The following ADGRL2 variants were observed in gnomAD, a reference collection of about 807,000 sequenced individuals.
ADGRL2 encodes the protein adhesion G protein-coupled receptor L2.
In ADGRL2, 44 loss-of-function variants were observed where a neutral mutation model predicts 157.4. The observed-to-expected ratio is 0.28, with a 90% CI of 0.22 to 0.36. The LOEUF (loss-of-function observed/expected upper bound fraction) is 0.36. Among genes scored for constraint, ADGRL2 ranks in the 10% least tolerant of loss-of-function variants. The pLI is 1.00. For synonymous variants in ADGRL2, 585 were observed against 624.7 expected, an observed-to-expected ratio of 0.94 and a Z score of 0.95; for missense variants, 1,510 against 1,768.9, an observed-to-expected ratio of 0.85 and a Z score of 2.63.
chr1:81,933,371 T>C (rs1226426273), intron 3 of ADGRL2, among the ~76,000 whole-genome samples: 1 of 152,224 alleles, frequency 6.6e-6, no homozygotes, highest in Non-Finnish European at 1.5e-5. Flanking sequence ...GTTTGATTGT[T>C]AAAACAATGA....
intron 2 of ADGRL2, among the ~76,000 whole-genome samples, chr1:81,852,970 A>G (rs1328846638): frequency 6.6e-6 from 1 of 152,168 alleles, no homozygotes; most frequent in East Asian, 1.9e-4. Context: ...TTTTTGGTAT[A>G]GTAGAAAAAC....
chr1:81,751,714 G>C (rs960961782), intron 1 of ADGRL2, among the ~76,000 whole-genome samples: 1 of 152,028 alleles, frequency 6.6e-6, no homozygotes, highest in Non-Finnish European at 1.5e-5. Flanking sequence ...GATTTCAGTG[G>C]TTGTATTTCA....
chr1:81,391,431 G>A (rs1020240898), intron 1 of ADGRL2, among the ~76,000 whole-genome samples: 1 of 152,308 alleles, frequency 6.6e-6, no homozygotes, highest in Non-Finnish European at 1.5e-5. Context: ...TGCTTCTCTA[G>A]GCATTTGCAG....
At chr1:81,571,063 G>A (rs1282863462) in intron 2 of ADGRL2, among the ~76,000 whole-genome samples, 2 of 152,006 alleles carry the variant, frequency 1.3e-5, no homozygotes, top group Admixed American at 6.6e-5. Flanking sequence ...AGCAGCCCAC[G>A]TCTGTAATCC....
intron 2 of ADGRL2, among the ~76,000 whole-genome samples, chr1:81,556,300 C>T (rs1399961845): frequency 1.4e-5 from 2 of 147,904 alleles, no homozygotes; most frequent in Non-Finnish European, 3.0e-5. Context: ...CCCCGATTCT[C>T]AGGCTGTCAC....
intron 2 of ADGRL2, among the ~76,000 whole-genome samples, chr1:81,871,912 C>A (rs1248926298): frequency 6.6e-6 from 1 of 152,118 alleles, no homozygotes; most frequent in Non-Finnish European, 1.5e-5. Context: ...GTTTCTTTTG[C>A]AGTGCAGAAG....
At chr1:81,588,694 A>G (rs114426845) in intron 3 of ADGRL2, among the ~76,000 whole-genome samples, 3,410 of 152,268 alleles carry the variant, frequency 0.022, 65 homozygotes, top group Non-Finnish European at 0.032. Context: ...TTACAGTTAA[A>G]CAAGGCATGG....
Position 81,871,621 on chromosome 1 carries a change from G to A in ADGRL2, c.73+34564G>A, listed in dbSNP as rs57045503. Among the ~76,000 whole-genome samples the A allele has an allele frequency of 3.4e-3, 518 of 152,112 alleles. 8 individuals carry two copies. The highest frequency in any genetic ancestry group is 0.033 in the South Asian group (160 of 4,822). On this transcript the variant is annotated intron_variant, in intron 2 of 23. Transcript: ENST00000686636. Reference sequence around the variant, plus strand: ...GTTGTTTCCTGACTTTATAATGATCGCCATTCTAAGTGGTATGAGATGATA... The same window carrying A: ...GTTGTTTCCTGACTTTATAATGATCACCATTCTAAGTGGTATGAGATGATA...
chr1:81,601,068 T>G (rs1271830390), intron 3 of ADGRL2, among the ~76,000 whole-genome samples: 2 of 152,152 alleles, frequency 1.3e-5, no homozygotes, highest in African/African-American at 4.8e-5. Context: ...GAGGAGGGCA[T>G]GACTAGCAAC....
chr1:81,971,049 A>G (rs1327023), intron 16 of ADGRL2, among the ~76,000 whole-genome samples: 46,352 of 151,800 alleles, frequency 0.31, 7,209 homozygotes, highest in Admixed American at 0.32. Context: ...AAGTATAGAT[A>G]TTTACAGAAA....
intron 3 of ADGRL2, among the ~76,000 whole-genome samples, chr1:81,598,197 G>A (rs1394909556): frequency 1.3e-5 from 2 of 152,148 alleles, no homozygotes; most frequent in Non-Finnish European, 2.9e-5. Context: ...GGGGTAGAAT[G>A]GTCTTGGTTA....
intron 2 of ADGRL2, among the ~76,000 whole-genome samples, chr1:81,447,931 C>T (rs1268716789): frequency 1.3e-5 from 2 of 151,790 alleles, no homozygotes; most frequent in African/African-American, 2.4e-5. Flanking sequence ...TAACAGTTCT[C>T]AGGAGATCTG....
chr1:81,451,868 T>C (rs562634851), intron 2 of ADGRL2, among the ~76,000 whole-genome samples: 2 of 152,212 alleles, frequency 1.3e-5, no homozygotes, highest in Non-Finnish European at 2.9e-5. Flanking sequence ...TATTACATTA[T>C]AAAGACACGG....
intron 2 of ADGRL2, among the ~76,000 whole-genome samples, chr1:81,853,951 G>T (rs1449107884): frequency 6.6e-6 from 1 of 152,024 alleles, no homozygotes; most frequent in Non-Finnish European, 1.5e-5. Context: ...AATTTAATAA[G>T]TTGGATCACA....
chr1:81,828,100 C>G (rs991326698), intron 1 of ADGRL2, among the ~76,000 whole-genome samples: 1 of 152,182 alleles, frequency 6.6e-6, no homozygotes, highest in Non-Finnish European at 1.5e-5. Flanking sequence ...CAAACTATGG[C>G]TAGCCATCAG....
chr1:81,929,616 A>G (rs997569207), intron 3 of ADGRL2, among the ~76,000 whole-genome samples: 5 of 152,204 alleles, frequency 3.3e-5, no homozygotes, highest in African/African-American at 1.2e-4. Flanking sequence ...GAAGAGTAAA[A>G]GCAATTTGTT....
intron 3 of ADGRL2, among the ~76,000 whole-genome samples, chr1:81,924,447 G>T (rs527239517): frequency 1.3e-5 from 2 of 152,196 alleles, no homozygotes; most frequent in East Asian, 3.9e-4. Context: ...CATAGAAAAG[G>T]TTGCCTCTGT....
chr1:81,534,062 A>G (rs1379130176), intron 2 of ADGRL2, among the ~76,000 whole-genome samples: 1 of 152,236 alleles, frequency 6.6e-6, no homozygotes, highest in Non-Finnish European at 1.5e-5. Flanking sequence ...TGTGCTGTTT[A>G]TTAAAATGTG....
At chr1:81,471,903 TTTAA>T (rs2078180448) in intron 2 of ADGRL2, among the ~76,000 whole-genome samples, 1 of 152,222 alleles carries the variant, frequency 6.6e-6, no homozygotes. Flanking sequence ...ATATTGGCTA[TTTAA>T]TTAGTGATTT....
Sources: allele counts gnomAD v4.1 joint callset (sites outside exome capture counted in the v4.1 genomes callset), GRCh38; gene constraint gnomAD v4.1.1; transcripts MANE v1.5; gene names NCBI Gene and HGNC (gene_info 2026-07-23, HGNC 2026-07-21).